Variants in PLXNA4 observed in about 807,000 individuals in gnomAD.
PLXNA4 encodes the protein plexin-A4.
PLXNA4 carries 44 observed loss-of-function variants against 191.8 expected under a neutral mutation model. The observed-to-expected ratio is 0.23, with a 90% CI of 0.18 to 0.29. The LOEUF is 0.29. Among genes scored for constraint, PLXNA4 ranks in the 10% least tolerant of loss-of-function variants. The pLI, the probability that PLXNA4 is intolerant of heterozygous loss-of-function variation, is 1.00. For missense variants in PLXNA4, 1,800 were observed against 2,488.8 expected, an observed-to-expected ratio of 0.72 and a Z score of 5.89; for synonymous variants, 1,082 against 1,009.5, an observed-to-expected ratio of 1.07 and a Z score of -1.36.
intron 19 of PLXNA4, 145 bp from the exon 20 acceptor site, chr7:132,180,066 G>C (rs1796655422): frequency 7.2e-7 from 1 of 1,392,622 alleles, no homozygotes; most frequent in South Asian, 1.5e-5. Context: ...AGAGGGCATG[G>C]GGGGCTGGGA....
intron 1 of PLXNA4, among the ~76,000 whole-genome samples, chr7:132,563,690 TC>T: frequency 8.3e-6 from 1 of 121,002 alleles, no homozygotes; most frequent in African/African-American, 3.3e-5. Flanking sequence ...CTCCTCCTCC[TC>T]CTCCTTCTCC....
At chr7:132,583,426 C>T (rs1441017813) in intron 2 of PLXNA4, among the ~76,000 whole-genome samples, 1 of 152,208 alleles carries the variant, frequency 6.6e-6, no homozygotes, top group Non-Finnish European at 1.5e-5. Context: ...CACCATTCTC[C>T]TTGAGGACTT....
At chr7:132,378,097 A>G (rs919754524) in intron 3 of PLXNA4, among the ~76,000 whole-genome samples, 3 of 152,144 alleles carry the variant, frequency 2.0e-5, no homozygotes, top group East Asian at 1.9e-4. Context: ...TGGTGAAACC[A>G]TCTATGCTAT....
chr7:132,442,984 C>T (rs1457811793), intron 3 of PLXNA4, among the ~76,000 whole-genome samples: 1 of 152,126 alleles, frequency 6.6e-6, no homozygotes, highest in Admixed American at 6.6e-5. Flanking sequence ...CTCTGCTTAC[C>T]CAGCCCGTGC....
chr7:132,609,106 G>A (rs562208827), intron 2 of PLXNA4, among the ~76,000 whole-genome samples: 26 of 152,204 alleles, frequency 1.7e-4, no homozygotes, highest in African/African-American at 5.1e-4. Context: ...AGCCCCCTCC[G>A]TCCCATTCCC....
intron 10 of PLXNA4, among the ~76,000 whole-genome samples, chr7:132,206,189 G>A (rs1271888564): frequency 6.6e-6 from 1 of 152,176 alleles, no homozygotes; most frequent in African/African-American, 2.4e-5. Flanking sequence ...TCCTTGGATT[G>A]GCATAAGGAT....
rs182255984 is a variant in PLXNA4 at position 132,185,551 on chromosome 7, A to C, written c.2994-88T>G. On this transcript the variant is annotated intron_variant, in intron 15 of 31. Coordinates refer to ENST00000321063, the MANE Select transcript of PLXNA4 (RefSeq NM_020911.2). ...AAGGCCCTCCCACACCGCTCCCTGC[A>C]TGTCAGGATGCTCAGAGGCCATGGG... 45 of 1,499,138 alleles carry C rather than the reference A, an allele frequency of 3.0e-5. No homozygotes were observed. The African/African-American group carries it at 5.6e-4, about 19-fold the overall frequency. 92.9% of individuals were successfully genotyped at this position (1,499,138 alleles called of 1,614,324 possible).
Position 132,576,326 on chromosome 7 carries a change from C to T in PLXNA4, c.-87+96G>A, listed in dbSNP as rs573320505. ...GTGTGCGTGTGCCGCGGGCTGGCTC[C>T]GGGACACTGAGGACTCCCGGGTCGG... On this transcript the variant is annotated intron_variant, in intron 1 of 31. Coordinates refer to ENST00000321063, the MANE Select transcript of PLXNA4 (RefSeq NM_020911.2). This position sits in a 1 kb window ranked among gnomAD's most constrained non-coding sequence, Gnocchi z 5.8. 289 of 929,718 alleles carry T rather than the reference C, an allele frequency of 3.1e-4. 3 individuals are homozygous for T. The African/African-American group carries it at 4.9e-3, about 16-fold the overall frequency. The allele number at this position is 929,718 out of a possible 1,614,324, so 57.6% of individuals were successfully genotyped here. A position where few individuals can be genotyped will look rare whatever the true frequency, so the allele number is the denominator to read the frequency against.
chr7:132,207,416 G>A (rs1253427641), intron 10 of PLXNA4, among the ~76,000 whole-genome samples: 6 of 152,186 alleles, frequency 3.9e-5, no homozygotes, highest in Non-Finnish European at 7.4e-5. Context: ...GGCAGCCTCC[G>A]AGAGCTGGTG....
At chr7:132,254,073 A>G (rs1458127590) in intron 4 of PLXNA4, among the ~76,000 whole-genome samples, 1 of 152,060 alleles carries the variant, frequency 6.6e-6, no homozygotes, top group South Asian at 2.1e-4. Context: ...ATTGATCTCT[A>G]TTGTCCTTTC....
intron 3 of PLXNA4, among the ~76,000 whole-genome samples, chr7:132,415,795 TTAAG>T (rs1409784092): frequency 6.6e-6 from 1 of 152,118 alleles, no homozygotes; most frequent in Admixed American, 6.6e-5. Context: ...TCTGGATAGG[TTAAG>T]TAAACTGCCC....
chr7:132,132,994 T>A, intron 31 of PLXNA4, 55 bp downstream of exon 31: 6 of 1,583,660 alleles, frequency 3.8e-6, no homozygotes, highest in Non-Finnish European at 5.2e-6. Context: ...TGCAGGGTTG[T>A]CTTCATTCTC....
intron 4 of PLXNA4, among the ~76,000 whole-genome samples, chr7:132,293,702 T>A (rs1037189059): frequency 6.6e-6 from 1 of 152,212 alleles, no homozygotes; most frequent in Non-Finnish European, 1.5e-5. Context: ...TACCACCAGT[T>A]TTTTTACACA....
At chr7:132,556,779 GT>G (rs1329659860) in intron 1 of PLXNA4, among the ~76,000 whole-genome samples, 3 of 152,210 alleles carry the variant, frequency 2.0e-5, no homozygotes, top group Non-Finnish European at 4.4e-5. Flanking sequence ...AAGACTGAGA[GT>G]CACATTTATC....
At chr7:132,542,603 TTTTC>T (rs908635171) in intron 1 of PLXNA4, among the ~76,000 whole-genome samples, 7 of 152,198 alleles carry the variant, frequency 4.6e-5, no homozygotes, top group African/African-American at 1.4e-4. Context: ...TCTTCATTTT[TTTTC>T]TTTCTTTGTA....
At chr7:132,330,651 G>A (rs925459582) in intron 3 of PLXNA4, among the ~76,000 whole-genome samples, 1 of 152,276 alleles carries the variant, frequency 6.6e-6, no homozygotes, top group African/African-American at 2.4e-5. Flanking sequence ...GCCCAAATGG[G>A]AACTCTTAGG....
intron 2 of PLXNA4, among the ~76,000 whole-genome samples, chr7:132,496,109 T>G (rs1798001844): frequency 6.6e-6 from 1 of 152,208 alleles, no homozygotes; most frequent in Non-Finnish European, 1.5e-5. Flanking sequence ...GTCCAGAGAA[T>G]GGACCACCAA....
chr7:132,414,141 G>T (rs147889845), intron 3 of PLXNA4, among the ~76,000 whole-genome samples: 1,657 of 152,316 alleles, frequency 0.011, 81 homozygotes, highest in Admixed American at 0.079. Flanking sequence ...AGCCCCGGTT[G>T]CTGTAATGGC....
At chr7:132,323,371 G>C (rs1384243972) in intron 3 of PLXNA4, among the ~76,000 whole-genome samples, 2 of 152,236 alleles carry the variant, frequency 1.3e-5, no homozygotes, top group East Asian at 3.9e-4. Context: ...AAAGTAGAGT[G>C]TACTTGCATC....
Sources: allele counts gnomAD v4.1 joint callset (sites outside exome capture counted in the v4.1 genomes callset), GRCh38; gene constraint gnomAD v4.1.1; non-coding constraint Gnocchi (gnomAD v3.1); transcripts MANE v1.5; gene names NCBI Gene and HGNC (gene_info 2026-07-23, HGNC 2026-07-21).